NOP14: variants seen among roughly 807,000 people sequenced by gnomAD.
The protein encoded by NOP14 is nucleolar protein 14.
NOP14 carries 57 observed loss-of-function variants against 101.6 expected under a neutral mutation model. The observed-to-expected ratio is 0.56, with a 90% CI of 0.45 to 0.70. The LOEUF (loss-of-function observed/expected upper bound fraction) is 0.70, where lower values mean the gene tolerates loss of function less well. NOP14 is among the 30% of genes least tolerant of loss of function. NOP14 has a pLI of 0.00. For synonymous variants in NOP14, 428 were observed against 424.0 expected (o/e 1.01, Z -0.12); for missense variants, 1,134 against 1,075.5 (o/e 1.05, Z -0.76).
intron 2 of NOP14, 64 bp from the exon 3 acceptor site, chr4:2,956,875 A>G: frequency 3.2e-6 from 4 of 1,266,448 alleles, no homozygotes; most frequent in South Asian, 1.4e-5. Flanking sequence ...AAAAAAAAAG[A>G]TAAGGTAGAT....
At position 2,941,595 on chromosome 4, in the gene NOP14, G is replaced by A. The variant is rs760461101; in HGVS notation, c.2186C>T (p.Pro729Leu). Residue 729 changes from proline to leucine, a missense_variant, in exon 15 of 18, where the codon CCG becomes CTG. Coordinates refer to ENST00000416614, the MANE Select transcript of NOP14 (RefSeq NM_001291978.2). ...GGGAAGCCTCACCTGGAGCTCCTGC[G>A]GGTGGCTGCAGTCCGCCAGGTGATC... The part of the protein sequence containing the change: ...LTDHLADCSH[P>L]QELQELCQST... The A allele has an allele frequency of 1.1e-5, 17 of 1,612,232 alleles. No homozygotes were observed. Among genetic ancestry groups the A allele is most frequent in the Admixed American group, 5.0e-5 (3 of 59,910 alleles).
At chr4:2,947,120 G>A (rs763854189) in intron 10 of NOP14, 1 of 259,998 alleles carries the variant, frequency 3.8e-6, no homozygotes, top group Non-Finnish European at 7.4e-6. Context: ...GCAGACAAGA[G>A]GTACACACTC....
chr4:2,952,201 TC>T, intron 6 of NOP14, 73 bp downstream of exon 6: 1 of 1,518,572 alleles, frequency 6.6e-7, no homozygotes, highest in African/African-American at 1.4e-5. Context: ...CTTCAGCCCA[TC>T]CTGCAAAATG....
At chr4:2,943,706 A>G (rs965561900) in intron 13 of NOP14, among the ~76,000 whole-genome samples, 1 of 152,280 alleles carries the variant, frequency 6.6e-6, no homozygotes, top group Non-Finnish European at 1.5e-5. Flanking sequence ...GATTTTAACA[A>G]TAGACCTTAT....
In NOP14 at chr4:2,947,575, A is replaced by G; in HGVS notation, c.1450T>C (p.Leu484=). 1 of 1,614,170 alleles carries G rather than the reference A, an allele frequency of 6.2e-7. No individual in the cohort carries two copies. The highest frequency in any genetic ancestry group is 1.7e-5 in the Admixed American group (1 of 60,024). The part of the protein sequence containing the change: ...FGFLLEYVGD[L]ATDDPPDLTV... ...AGGTCTGGTGGGTCATCTGTAGCCA[A>G]ATCGCCAACGTATTCCAAAAGAAAG... The change falls in exon 10 of 18, where the codon TTG becomes CTG. Residue 484 remains leucine, a synonymous_variant. Transcript: ENST00000416614.
In NOP14 at chr4:2,952,377, C is replaced by G. The variant is rs746063397; in HGVS notation, c.768G>C (p.Met256Ile). The change falls in exon 6 of 18, where the codon ATG becomes ATC. Residue 256 changes from methionine (M) to isoleucine (I), a missense_variant. Coordinates refer to ENST00000416614, the MANE Select transcript of NOP14 (RefSeq NM_001291978.2). The part of the protein sequence containing the change: ...EKPKPDAYDM[M>I]VRELGFEMKA... ...TCATTTCAAAGCCAAGCTCGCGAACCATCATGTCATATGCATCGGGCTAAG... is the reference window on the plus strand; with the variant it reads ...TCATTTCAAAGCCAAGCTCGCGAACGATCATGTCATATGCATCGGGCTAAG... The G allele has an allele frequency of 6.2e-6, 10 of 1,612,638 alleles. No homozygotes were observed. In the East Asian group the frequency reaches 2.0e-4, roughly 32 times the overall value.
In NOP14 at chr4:2,951,235, A is replaced by C; in HGVS notation, c.881T>G (p.Leu294Arg). Reference sequence around the variant, plus strand: ...CTCATCCTTTCCAAGCATTCTTCGAAGTCTCTCAGCCTGAGCAGGAAGGAA... The same window carrying C: ...CTCATCCTTTCCAAGCATTCTTCGACGTCTCTCAGCCTGAGCAGGAAGGAA... ...EHLRKLEAER[L>R]RRMLGKDEDE... The change falls in exon 7 of 18, where the codon CTT (leucine) becomes CGT (arginine). Residue 294 changes from leucine to arginine, a missense_variant. Physicochemically the swap from Leu to Arg is moderately radical, Grantham distance 102. Coordinates refer to ENST00000416614, the MANE Select transcript of NOP14 (RefSeq NM_001291978.2). 6.2e-7 allele frequency: 1 copy of C among 1,613,810 alleles called. No individual in the cohort carries two copies. The highest frequency in any genetic ancestry group is 8.5e-7 in the Non-Finnish European group (1 of 1,179,858).
At chr4:2,960,284 A>G (rs938777997) in intron 1 of NOP14, among the ~76,000 whole-genome samples, 4 of 151,888 alleles carry the variant, frequency 2.6e-5, no homozygotes, top group Non-Finnish European at 4.4e-5. Context: ...CACCGAGAAG[A>G]CTTCTGAGGT....
Position 2,938,611 on chromosome 4 carries a change from T to TCC in NOP14, c.*218_*219dup. ...GTAACCTTGGACTCAGCTCAAGCAG[T>TCC]CCTCCTGCTTCAGCCTCCCGAGTAG... On this transcript the variant is annotated 3_prime_UTR_variant, in exon 18 of 18. Coordinates refer to ENST00000416614, the MANE Select transcript of NOP14 (RefSeq NM_001291978.2). 1.8e-6 allele frequency: 1 copy of TCC among 550,312 alleles called. No homozygotes were observed. The highest frequency in any genetic ancestry group is 3.2e-6 in the Non-Finnish European group (1 of 310,224). The allele number at this position is 550,312 out of a possible 1,614,324, so 34.1% of individuals were successfully genotyped here.
chr4:2,958,136 T>C (rs1318494397), intron 1 of NOP14, among the ~76,000 whole-genome samples: 1 of 152,168 alleles, frequency 6.6e-6, no homozygotes, highest in African/African-American at 2.4e-5. Context: ...CTATTTCCCA[T>C]CAAAGGTACT....
rs937894439 is a variant in NOP14 at position 2,950,423 on chromosome 4, A to G, written c.1003-210T>C. 76 of 601,650 alleles carry G rather than the reference A, an allele frequency of 1.3e-4. 1 individual carries two copies. Among genetic ancestry groups the G allele is most frequent in the Non-Finnish European group, 2.0e-4 (67 of 341,142 alleles). 37.3% of individuals were successfully genotyped at this position (601,650 alleles called of 1,614,324 possible). On this transcript the variant is annotated intron_variant, in intron 7 of 17. Transcript: ENST00000416614. ...CGAGCCGCAGGAGCTACAGGCTGCTAGAGAACCCTGCGGCAGGATGCTGGG... is the reference window on the plus strand; with the variant it reads ...CGAGCCGCAGGAGCTACAGGCTGCTGGAGAACCCTGCGGCAGGATGCTGGG...
At chr4:2,957,245 C>A (rs1457770057) in intron 2 of NOP14, among the ~76,000 whole-genome samples, 2 of 152,102 alleles carry the variant, frequency 1.3e-5, no homozygotes, top group South Asian at 4.1e-4. Context: ...CATGATCCAC[C>A]CACCTCAGCC....
At chr4:2,960,709 A>ATGT (rs1715693010) in intron 1 of NOP14, among the ~76,000 whole-genome samples, 1 of 137,410 alleles carries the variant, frequency 7.3e-6, no homozygotes, top group Non-Finnish European at 1.5e-5. Flanking sequence ...TAATATTAAT[A>ATGT]TATTAATATT....
In NOP14 at chr4:2,938,363, A is replaced by G. The variant is rs2109284925; in HGVS notation, c.*468T>C. 1 of 457,400 alleles carries G rather than the reference A, an allele frequency of 2.2e-6. No homozygotes were observed. Among genetic ancestry groups the G allele is most frequent in the Non-Finnish European group, 4.0e-6 (1 of 250,084 alleles). The allele number at this position is 457,400 out of a possible 1,614,324, so 28.3% of individuals were successfully genotyped here. A position where few individuals can be genotyped will look rare whatever the true frequency, so the allele number is the denominator to read the frequency against. ...TGGAGAAACCCCGTCTCTACTAAAA[A>G]TACAAAATTAGCTGGGCGTGGTGGC... is the stretch of plus-strand genomic sequence containing the variant. On this transcript the variant is annotated 3_prime_UTR_variant, in exon 18 of 18. Coordinates refer to ENST00000416614, the MANE Select transcript of NOP14 (RefSeq NM_001291978.2).
chr4:2,961,307 T>A (rs1715883303), intron 1 of NOP14: 3 of 20,388 alleles, frequency 1.5e-4, no homozygotes, highest in Non-Finnish European at 9.0e-4. Flanking sequence ...ATATAGTTAC[T>A]GATTTAAGAA....
chr4:2,939,789 A>G (rs553719222), intron 15 of NOP14, 144 bp from the exon 16 acceptor site: 30 of 718,458 alleles, frequency 4.2e-5, no homozygotes, highest in African/African-American at 1.2e-4. Flanking sequence ...CTGTGCGCCT[A>G]CCGGTGGGCG....
At chr4:2,947,386 T>G (rs1577833608) in intron 10 of NOP14, 140 bp downstream of exon 10, 1 of 660,940 alleles carries the variant, frequency 1.5e-6, no homozygotes, top group Admixed American at 2.6e-5. Flanking sequence ...AAGCCCTGGG[T>G]GACCACCTGC....
In NOP14 at chr4:2,963,324, C is replaced by T. The variant is rs1317284306; in HGVS notation, c.-5G>A. The T allele has an allele frequency of 1.3e-6, 2 of 1,569,536 alleles. No homozygotes were observed. The highest frequency in any genetic ancestry group is 8.6e-7 in the Non-Finnish European group (1 of 1,162,654). ...GACCTTCTTCGCCTTCGCCATGGCG[C>T]GCGCCCCGCTGCGCCCAAGGGCCCG... is the stretch of plus-strand genomic sequence containing the variant. On this transcript the variant is annotated 5_prime_UTR_variant, in exon 1 of 18. Coordinates refer to ENST00000416614, the MANE Select transcript of NOP14 (RefSeq NM_001291978.2).
chr4:2,943,344 G>A (rs1022673273), intron 13 of NOP14, among the ~76,000 whole-genome samples: 1 of 152,250 alleles, frequency 6.6e-6, no homozygotes, highest in African/African-American at 2.4e-5. Flanking sequence ...ACAGGGGTCT[G>A]AGCCTTGAGG....
Sources: allele counts gnomAD v4.1 joint callset (sites outside exome capture counted in the v4.1 genomes callset), GRCh38; gene constraint gnomAD v4.1.1; transcripts MANE v1.5; gene names NCBI Gene and HGNC (gene_info 2026-07-23, HGNC 2026-07-21).